Variants in DLGAP2 observed in about 807,000 individuals in gnomAD.
The protein encoded by DLGAP2 is DLG associated protein 2, also known as disks large-associated protein 2.
Under a neutral mutation model 100.3 loss-of-function variants are expected in DLGAP2, and 26 were observed. That is an observed-to-expected ratio of 0.26 (90% CI 0.19 to 0.36). The LOEUF is 0.36. DLGAP2 is among the 10% of genes least tolerant of loss of function. The probability of loss-of-function intolerance (pLI) is 1.00; values close to 1 mark genes in which losing one functional copy is unlikely to be tolerated. For synonymous variants in DLGAP2, 886 were observed against 630.1 expected, an observed-to-expected ratio of 1.41 and a Z score of -6.08; for missense variants, 1,858 against 1,453.2, an observed-to-expected ratio of 1.28 and a Z score of -4.53.
chr8:829,582 TA>T lies in DLGAP2; in HGVS notation c.19-78329del, dbSNP rs778512485. 4.5e-3 allele frequency among the ~76,000 whole-genome samples: 689 copies of T among 152,360 alleles called. 1 individual carries two copies. The highest frequency in any genetic ancestry group is 7.4e-3 in the Non-Finnish European group (501 of 68,030). On this transcript the variant is annotated intron_variant, in intron 1 of 14. Coordinates refer to ENST00000637795, the MANE Select transcript of DLGAP2 (RefSeq NM_001346810.2). ...TCAATCTTATTCAGAGCTTTGCTTC[TA>T]GAAATCGTGAAAACTATAAATTATT...
At chr8:1,187,497 C>T (rs985688587) in intron 2 of DLGAP2, among the ~76,000 whole-genome samples, 12 of 139,594 alleles carry the variant, frequency 8.6e-5, no homozygotes, top group Admixed American at 8.3e-4. Context: ...CTCACACACC[C>T]GGGACCTCCG....
chr8:807,589 TC>T (rs1796292929), intron 1 of DLGAP2, among the ~76,000 whole-genome samples: 2 of 119,984 alleles, frequency 1.7e-5, no homozygotes, highest in African/African-American at 7.2e-5. Context: ...ATGTTCTCTC[TC>T]CTCTTTTTCT....
chr8:1,219,197 C>T (rs986115407), intron 2 of DLGAP2, among the ~76,000 whole-genome samples: 5 of 152,106 alleles, frequency 3.3e-5, no homozygotes, highest in Non-Finnish European at 7.4e-5. Context: ...TTGTTTTGTT[C>T]TGGTTCTCAA....
intron 2 of DLGAP2, among the ~76,000 whole-genome samples, chr8:1,009,085 G>T (rs12549204): frequency 0.39 from 59,477 of 152,064 alleles, 11,952 homozygotes; most frequent in African/African-American, 0.47. Flanking sequence ...CAGGAGTGTA[G>T]CTGCACAGCC....
At chr8:1,094,127 A>G (rs1205369287) in intron 2 of DLGAP2, among the ~76,000 whole-genome samples, 1 of 151,980 alleles carries the variant, frequency 6.6e-6, no homozygotes. Flanking sequence ...TGGAGTGGGC[A>G]GGGGGCAGTT....
intron 2 of DLGAP2, among the ~76,000 whole-genome samples, chr8:959,190 C>T (rs1004745795): frequency 3.9e-5 from 6 of 152,122 alleles, no homozygotes; most frequent in East Asian, 1.9e-4. Context: ...CTTGCTTATA[C>T]GTCTCCAAAA....
intron 2 of DLGAP2, among the ~76,000 whole-genome samples, chr8:1,156,406 G>C (rs1585108085): frequency 6.6e-6 from 1 of 152,302 alleles, no homozygotes; most frequent in South Asian, 2.1e-4. Flanking sequence ...CTGGCCGTGG[G>C]CCGTGGCACA....
At chr8:1,332,885 C>T (rs1445963203) in intron 3 of DLGAP2, among the ~76,000 whole-genome samples, 1 of 152,170 alleles carries the variant, frequency 6.6e-6, no homozygotes, top group Non-Finnish European at 1.5e-5. Flanking sequence ...GTGTTGAAAG[C>T]TCTGGGTGTG....
At chr8:1,515,055 C>G (rs529313552) in intron 4 of DLGAP2, among the ~76,000 whole-genome samples, 3 of 151,856 alleles carry the variant, frequency 2.0e-5, no homozygotes, top group African/African-American at 7.3e-5. Context: ...GCAGGGATAC[C>G]GATCCCTGCA....
intron 2 of DLGAP2, among the ~76,000 whole-genome samples, chr8:922,091 C>G (rs117789685): frequency 1.3e-5 from 2 of 152,210 alleles, no homozygotes; most frequent in Non-Finnish European, 2.9e-5. Context: ...CTGGGAGAAA[C>G]GGCTCCTTGT....
chr8:1,215,132 G>C (rs1005357935), intron 2 of DLGAP2, among the ~76,000 whole-genome samples: 1 of 152,146 alleles, frequency 6.6e-6, no homozygotes, highest in African/African-American at 2.4e-5. Context: ...CAAAAATATG[G>C]TACAAAAGGG....
chr8:1,504,058 G>A (rs1024343653), intron 4 of DLGAP2, among the ~76,000 whole-genome samples: 3 of 151,952 alleles, frequency 2.0e-5, no homozygotes, highest in Admixed American at 1.3e-4. Flanking sequence ...TAGCCCATTC[G>A]TGCAAATATT....
chr8:777,264 T>A (rs1482707230), intron 1 of DLGAP2, among the ~76,000 whole-genome samples: 1 of 150,836 alleles, frequency 6.6e-6, no homozygotes, highest in Non-Finnish European at 1.5e-5. Context: ...GAGATGGGTT[T>A]CCTGAATACA....
chr8:1,335,018 T>A (rs1366134689), intron 3 of DLGAP2, among the ~76,000 whole-genome samples: 1 of 152,158 alleles, frequency 6.6e-6, no homozygotes, highest in Non-Finnish European at 1.5e-5. Flanking sequence ...TATAAGCATC[T>A]AAGTAAATCG....
In DLGAP2 at chr8:1,443,761, G is replaced by C. The variant is rs796217361; in HGVS notation, c.107-57605G>C. Among the ~76,000 whole-genome samples the C allele has an allele frequency of 5.3e-5, 8 of 152,198 alleles. 1 individual carries two copies. Among genetic ancestry groups the C allele is most frequent in the African/African-American group, 1.9e-4 (8 of 41,528 alleles). On this transcript the variant is annotated intron_variant, in intron 3 of 14. Transcript: ENST00000637795. The stretch of plus-strand genomic sequence containing the variant: ...GAAGAGTATGGGGGAAACTGCCCTC[G>C]TGATTCAATTATCTCCACCTGGCCC...
intron 2 of DLGAP2, among the ~76,000 whole-genome samples, chr8:1,029,724 G>A (rs1801921597): frequency 6.6e-6 from 1 of 152,136 alleles, no homozygotes; most frequent in African/African-American, 2.4e-5. Context: ...ATGGAGGAGG[G>A]GCTGAGCCTC....
chr8:1,111,312 AGGCTGTGG>A (rs1402786192), intron 2 of DLGAP2, among the ~76,000 whole-genome samples: 12 of 152,114 alleles, frequency 7.9e-5, no homozygotes, highest in African/African-American at 2.7e-4. Context: ...TGTGTGCTGA[AGGCTGTGG>A]ATTTTCAGGC....
chr8:1,497,556 G>C (rs1799584272), intron 3 of DLGAP2, among the ~76,000 whole-genome samples: 1 of 152,226 alleles, frequency 6.6e-6, no homozygotes, highest in African/African-American at 2.4e-5. Context: ...GAAGAAGGAG[G>C]ATTTCCTTGT....
intron 4 of DLGAP2, among the ~76,000 whole-genome samples, chr8:1,521,004 G>C (rs757883): frequency 0.4 from 61,080 of 152,062 alleles, 12,579 homozygotes; most frequent in South Asian, 0.55. Context: ...TCCGCGTCCT[G>C]GCCGGCGTGT....
Sources: allele counts gnomAD v4.1 joint callset (sites outside exome capture counted in the v4.1 genomes callset), GRCh38; gene constraint gnomAD v4.1.1; transcripts MANE v1.5; gene names NCBI Gene and HGNC (gene_info 2026-07-23, HGNC 2026-07-21).